Variants in MAK observed in about 807,000 individuals in gnomAD.
MAK encodes the protein serine/threonine-protein kinase MAK.
A neutral mutation model predicts 82.6 loss-of-function variants in MAK; 65 were observed. The observed-to-expected ratio is 0.79, with a 90% confidence interval of 0.64 to 0.97. The LOEUF (loss-of-function observed/expected upper bound fraction) is 0.97. MAK is among the 50% of genes least tolerant of loss of function. The pLI, the probability that MAK is intolerant of heterozygous loss-of-function variation, is 0.00. For missense variants in MAK, 703 were observed against 780.2 expected (o/e 0.90, Z 1.18); for synonymous variants, 250 against 274.2 (o/e 0.91, Z 0.87).
intron 11 of MAK, chr6:10,779,208 C>A (rs1561939207): frequency 5.9e-6 from 2 of 337,346 alleles, no homozygotes; most frequent in Non-Finnish European, 8.4e-6. Flanking sequence ...CGATTCATGC[C>A]CAGAGTCCCG....
At chr6:10,825,832 C>T (rs1025531042) in intron 2 of MAK, among the ~76,000 whole-genome samples, 1 of 152,148 alleles carries the variant, frequency 6.6e-6, no homozygotes. Context: ...ATCCCCAAAG[C>T]TATTTTCCTG....
intron 2 of MAK, 32 bp from the exon 3 acceptor site, chr6:10,818,972 G>C: frequency 1.6e-6 from 2 of 1,251,330 alleles, no homozygotes; most frequent in Non-Finnish European, 2.3e-6. Flanking sequence ...TTAGTGTTCA[G>C]GGATTGAGGA....
chr6:10,770,028 G>A, intron 14 of MAK, 83 bp downstream of exon 14: 1 of 1,610,822 alleles, frequency 6.2e-7, no homozygotes, highest in Non-Finnish European at 8.5e-7. Flanking sequence ...TCTTCGCTTG[G>A]GAAAAGTGAC....
At chr6:10,802,746 A>G (rs923994651) in intron 7 of MAK, among the ~76,000 whole-genome samples, 1 of 152,204 alleles carries the variant, frequency 6.6e-6, no homozygotes, top group African/African-American at 2.4e-5. Context: ...TGTCGTGTAT[A>G]TTACCCATTG....
chr6:10,783,114 T>G (rs1774158109), intron 11 of MAK, among the ~76,000 whole-genome samples: 1 of 152,180 alleles, frequency 6.6e-6, no homozygotes. Flanking sequence ...TAGAAAGTTA[T>G]AAATGACCAT....
chr6:10,805,230 T>C (rs1377052383), intron 6 of MAK, among the ~76,000 whole-genome samples: 1 of 152,228 alleles, frequency 6.6e-6, no homozygotes, highest in African/African-American at 2.4e-5. Flanking sequence ...TTATTAATGT[T>C]TCTCAAATGT....
intron 7 of MAK, 55 bp from the exon 8 acceptor site, chr6:10,802,114 T>C: frequency 7.0e-7 from 1 of 1,426,178 alleles, no homozygotes; most frequent in Non-Finnish European, 9.8e-7. Flanking sequence ...TTGTTTTTAG[T>C]AATCCATTTA....
intron 1 of MAK, among the ~76,000 whole-genome samples, chr6:10,833,098 C>T (rs1023237791): frequency 1.7e-4 from 26 of 152,196 alleles, no homozygotes; most frequent in Admixed American, 6.5e-4. Context: ...AGAAATTGCT[C>T]CTCTATTATT....
intron 2 of MAK, among the ~76,000 whole-genome samples, chr6:10,828,019 TG>T (rs1172803767): frequency 1.3e-5 from 2 of 152,208 alleles, no homozygotes; most frequent in African/African-American, 4.8e-5. Context: ...AATCAATGTT[TG>T]TTTTTTTTAG....
intron 6 of MAK, among the ~76,000 whole-genome samples, chr6:10,806,716 C>T (rs1029295853): frequency 6.6e-6 from 1 of 151,874 alleles, no homozygotes; most frequent in African/African-American, 2.4e-5. Context: ...TGGTCTCGAA[C>T]TCCTGACCTC....
chr6:10,800,654 A>C lies in MAK; in HGVS notation c.831+1238T>G, dbSNP rs1263904335. Among the ~76,000 whole-genome samples the C allele has an allele frequency of 6.6e-6, 1 of 152,034 alleles. No homozygotes were observed. Among genetic ancestry groups the C allele is most frequent in the Non-Finnish European group, 1.5e-5 (1 of 68,004 alleles). On this transcript the variant is annotated intron_variant, in intron 8 of 14. Coordinates refer to ENST00000354489, the MANE Select transcript of MAK (RefSeq NM_001242957.3). This position sits in a 1 kb window ranked among gnomAD's most constrained non-coding sequence, Gnocchi z 4.2. ...TGGGAGGTCGAGACCAGCCTCACCAACATGGAGAAACCCTGTCTCTACTAA... is the reference window on the plus strand; with the variant it reads ...TGGGAGGTCGAGACCAGCCTCACCACCATGGAGAAACCCTGTCTCTACTAA...
chr6:10,784,068 A>G (rs1774289039), intron 11 of MAK, among the ~76,000 whole-genome samples: 1 of 152,180 alleles, frequency 6.6e-6, no homozygotes, highest in South Asian at 2.1e-4. Context: ...CAGATCATTT[A>G]GGAAAGAGTA....
At chr6:10,811,397 A>G (rs1776920945) in intron 5 of MAK, among the ~76,000 whole-genome samples, 2 of 152,256 alleles carry the variant, frequency 1.3e-5, no homozygotes, top group South Asian at 2.1e-4. Context: ...AATCATCCTT[A>G]TAGGCTGGTT....
intron 10 of MAK, among the ~76,000 whole-genome samples, chr6:10,785,760 A>G (rs529652592): frequency 6.6e-6 from 1 of 152,350 alleles, no homozygotes; most frequent in African/African-American, 2.4e-5. Context: ...AGCTCCTTGC[A>G]GCTGTCACTA....
chr6:10,810,269 A>C (rs544298205), intron 5 of MAK, among the ~76,000 whole-genome samples: 1 of 151,600 alleles, frequency 6.6e-6, no homozygotes, highest in Non-Finnish European at 1.5e-5. Context: ...CTTGGGAGGC[A>C]GGGAGACTGC....
At chr6:10,803,318 G>C (rs749169961) in intron 7 of MAK, among the ~76,000 whole-genome samples, 8 of 152,056 alleles carry the variant, frequency 5.3e-5, no homozygotes, top group South Asian at 4.2e-4. Context: ...TGGGCAGATC[G>C]CAGATCGCTT....
intron 14 of MAK, among the ~76,000 whole-genome samples, chr6:10,767,044 G>A (rs1772508788): frequency 6.8e-6 from 1 of 147,934 alleles, no homozygotes; most frequent in Non-Finnish European, 1.5e-5. Context: ...TCGTGGCAGG[G>A]CAAGAAGTGC....
At chr6:10,830,143 G>C (rs2127589988) in intron 2 of MAK, among the ~76,000 whole-genome samples, 1 of 149,518 alleles carries the variant, frequency 6.7e-6, no homozygotes, top group African/African-American at 2.5e-5. Flanking sequence ...GTGTGTGTGT[G>C]TGTGTGTGTG....
chr6:10,784,640 T>A, intron 10 of MAK, 68 bp from the exon 11 acceptor site: 3 of 1,459,018 alleles, frequency 2.1e-6, no homozygotes, highest in Non-Finnish European at 2.9e-6. Flanking sequence ...CCTCTGCACA[T>A]CTCGCCCACC....
Sources: allele counts gnomAD v4.1 joint callset (sites outside exome capture counted in the v4.1 genomes callset), GRCh38; gene constraint gnomAD v4.1.1; non-coding constraint Gnocchi (gnomAD v3.1); transcripts MANE v1.5; gene names NCBI Gene and HGNC (gene_info 2026-07-23, HGNC 2026-07-21).